SCTR: variants seen among roughly 807,000 people sequenced by gnomAD.
SCTR encodes the protein secretin receptor.
SCTR carries 56 observed loss-of-function variants against 60.8 expected under a neutral mutation model. The observed-to-expected ratio is 0.92, with a 90% CI of 0.74 to 1.15. The LOEUF (loss-of-function observed/expected upper bound fraction) is 1.15, where lower values mean the gene tolerates loss of function less well. Among genes scored for constraint, SCTR ranks in the 50% most tolerant of loss-of-function variants. SCTR has a pLI of 0.00. For synonymous variants in SCTR, 202 were observed against 217.0 expected (o/e 0.93, Z 0.61); for missense variants, 562 against 550.4 (o/e 1.02, Z -0.21).
chr2:119,508,961 T>G (rs2104936163), intron 1 of SCTR, among the ~76,000 whole-genome samples: 1 of 152,338 alleles, frequency 6.6e-6, no homozygotes, highest in South Asian at 2.1e-4. Context: ...CTTAGGAAAT[T>G]TACTGCCAAG....
At chr2:119,455,459 G>A (rs965402863) in intron 7 of SCTR, among the ~76,000 whole-genome samples, 6 of 152,220 alleles carry the variant, frequency 3.9e-5, no homozygotes, top group African/African-American at 1.4e-4. Context: ...AGAGGAAACA[G>A]ACCATACAGG....
At chr2:119,510,512 T>C (rs1678897402) in intron 1 of SCTR, among the ~76,000 whole-genome samples, 1 of 152,196 alleles carries the variant, frequency 6.6e-6, no homozygotes, top group African/African-American at 2.4e-5. Flanking sequence ...GCCCTTTTGC[T>C]ATCTACATCA....
At chr2:119,474,379 C>T (rs938346631) in intron 3 of SCTR, among the ~76,000 whole-genome samples, 14 of 152,170 alleles carry the variant, frequency 9.2e-5, no homozygotes, top group Non-Finnish European at 4.4e-5. Flanking sequence ...GCCCAGCCTG[C>T]GGAAGGGAGC....
At chr2:119,489,191 T>C (rs754215042) in intron 2 of SCTR, among the ~76,000 whole-genome samples, 28 of 152,132 alleles carry the variant, frequency 1.8e-4, no homozygotes, top group Non-Finnish European at 3.5e-4. Context: ...GGTTAGACCC[T>C]GGAAAGCATC....
intron 2 of SCTR, among the ~76,000 whole-genome samples, chr2:119,493,810 T>G (rs1678238309): frequency 6.6e-6 from 1 of 152,056 alleles, no homozygotes; most frequent in Non-Finnish European, 1.5e-5. Flanking sequence ...CCCGGCTAAT[T>G]TTGCATTTTT....
Position 119,478,759 on chromosome 2 carries a change from C to T in SCTR, c.301+52G>A. ...CCTGCCTCTAAGCTGAGGCCCCACC[C>T]AGAGGGACACCCCTCAGCCTGTCCG... On this transcript the variant is annotated intron_variant, in intron 3 of 12. Transcript: ENST00000019103. 3.2e-6 allele frequency: 5 copies of T among 1,586,088 alleles called. No homozygotes were observed. In the South Asian group the frequency reaches 3.4e-5, roughly 11 times the overall value.
intron 10 of SCTR, among the ~76,000 whole-genome samples, chr2:119,448,018 G>C (rs1682999488): frequency 1.3e-5 from 2 of 152,186 alleles, no homozygotes; most frequent in Non-Finnish European, 2.9e-5. Context: ...TTACAACAAG[G>C]ATGGAGTGGG....
chr2:119,497,590 G>A (rs1678399093), intron 1 of SCTR, among the ~76,000 whole-genome samples: 1 of 151,428 alleles, frequency 6.6e-6, no homozygotes, highest in South Asian at 2.1e-4. Flanking sequence ...CAGCAAAAAG[G>A]AAAGGAAAGG....
At chr2:119,453,385 G>C (rs200411191) in intron 7 of SCTR, 38 bp from the exon 8 acceptor site, 6 of 1,534,428 alleles carry the variant, frequency 3.9e-6, no homozygotes, top group Middle Eastern at 3.4e-4. Flanking sequence ...AGAAGAGAGA[G>C]GACTCAATTT....
At chr2:119,461,772 G>A in intron 7 of SCTR, 75 bp downstream of exon 7, 5 of 1,123,438 alleles carry the variant, frequency 4.5e-6, no homozygotes, top group Admixed American at 2.6e-5. Flanking sequence ...GGAACTAAAA[G>A]CCGAACCCTC....
intron 2 of SCTR, among the ~76,000 whole-genome samples, chr2:119,489,552 G>A (rs980738817): frequency 3.9e-5 from 6 of 152,170 alleles, no homozygotes; most frequent in Admixed American, 1.3e-4. Flanking sequence ...GCAGAGGTGC[G>A]AGACGAGAGA....
chr2:119,443,824 G>T (rs1410464896), intron 11 of SCTR, among the ~76,000 whole-genome samples: 1 of 152,194 alleles, frequency 6.6e-6, no homozygotes, highest in Non-Finnish European at 1.5e-5. Flanking sequence ...TAGGATTACA[G>T]GCGTGAGCCC....
At chr2:119,508,383 C>CTTTTTTTT (rs34070844) in intron 1 of SCTR, among the ~76,000 whole-genome samples, 79 of 77,400 alleles carry the variant, frequency 1.0e-3, no homozygotes, top group Non-Finnish European at 1.3e-3. Context: ...TCTTCTTCTT[C>CTTTTTTTT]TTTTTTTTTT....
At chr2:119,523,632 T>C (rs1679360893) in intron 1 of SCTR, among the ~76,000 whole-genome samples, 1 of 151,850 alleles carries the variant, frequency 6.6e-6, no homozygotes. Context: ...CCCGTGAGTG[T>C]GAAAATGTCA....
chr2:119,472,499 A>G (rs1039178490), intron 4 of SCTR, among the ~76,000 whole-genome samples: 6 of 152,148 alleles, frequency 3.9e-5, no homozygotes, highest in Admixed American at 3.9e-4. Flanking sequence ...CCTGATGGCC[A>G]CCCTCAGAGG....
intron 1 of SCTR, among the ~76,000 whole-genome samples, chr2:119,504,180 T>A (rs1367684196): frequency 1.3e-5 from 2 of 152,186 alleles, no homozygotes; most frequent in Non-Finnish European, 2.9e-5. Context: ...TTTCAACAAA[T>A]GGTGTTGAAG....
intron 7 of SCTR, among the ~76,000 whole-genome samples, chr2:119,457,809 A>G (rs1188192996): frequency 6.6e-6 from 1 of 152,244 alleles, no homozygotes; most frequent in Non-Finnish European, 1.5e-5. Context: ...TAGTGTATTG[A>G]TTTTAGAAAC....
At position 119,473,206 on chromosome 2, in the gene SCTR, C is replaced by T. The variant is rs1228775681; in HGVS notation, c.405+247G>A. Among the ~76,000 whole-genome samples, 7 of 152,130 alleles carry T rather than the reference C, an allele frequency of 4.6e-5. No individual in the cohort carries two copies. The East Asian group carries it at 1.2e-3, about 25-fold the overall frequency. On this transcript the variant is annotated intron_variant, in intron 4 of 12. Coordinates refer to ENST00000019103, the MANE Select transcript of SCTR (RefSeq NM_002980.3). ...GCACCCCCAGTCTCGCGGTGGTATG[C>T]GACAGTTCCTACCTGTGCCTGGGTT...
Position 119,477,971 on chromosome 2 carries a change from C to T in SCTR, c.301+840G>A, listed in dbSNP as rs564513278. Among the ~76,000 whole-genome samples, 13 of 152,222 alleles carry T rather than the reference C, an allele frequency of 8.5e-5. No homozygotes were observed. The East Asian group carries it at 2.5e-3, about 29-fold the overall frequency. On this transcript the variant is annotated intron_variant, in intron 3 of 12. Transcript: ENST00000019103. ...GTGTGTGCACACATGTGCGTATGTA[C>T]AGCAGAATTATGGTGAGAAGAATCT...
Sources: gnomAD v4.1 joint callset for allele counts (sites outside exome capture counted in the v4.1 genomes callset) on GRCh38, gnomAD v4.1.1 for gene constraint, MANE v1.5 for transcripts, NCBI Gene and HGNC (gene_info 2026-07-23, HGNC 2026-07-21) for gene names.